Variants in BDH2 observed in about 807,000 individuals in gnomAD.
BDH2 encodes the protein 3-hydroxybutyrate dehydrogenase 2.
A neutral mutation model predicts 33.2 loss-of-function variants in BDH2; 24 were observed. The ratio of observed to expected loss-of-function variants is 0.72; its 90% CI spans 0.52 to 1.02. BDH2 has a LOEUF of 1.02. Among genes scored for constraint, BDH2 ranks in the 50% least tolerant of loss-of-function variants. BDH2 has a pLI of 0.00. For missense variants in BDH2, 249 were observed against 301.6 expected, an observed-to-expected ratio of 0.83 and a Z score of 1.29; for synonymous variants, 81 against 101.6, an observed-to-expected ratio of 0.80 and a Z score of 1.22.
At chr4:103,088,474 C>G (rs1012430063) in intron 5 of BDH2, among the ~76,000 whole-genome samples, 1 of 152,192 alleles carries the variant, frequency 6.6e-6, no homozygotes, top group South Asian at 2.1e-4. Flanking sequence ...AACCGAGGTC[C>G]CTCTGCTGCT....
intron 5 of BDH2, among the ~76,000 whole-genome samples, chr4:103,088,456 C>T (rs999311358): frequency 6.6e-6 from 1 of 152,184 alleles, no homozygotes; most frequent in Non-Finnish European, 1.5e-5. Context: ...ATCCATTCAA[C>T]CAAGTTCAAC....
chr4:103,080,720 C>T (rs746740814), intron 9 of BDH2, among the ~76,000 whole-genome samples: 1 of 152,210 alleles, frequency 6.6e-6, no homozygotes, highest in Non-Finnish European at 1.5e-5. Flanking sequence ...ACTTTTGTAG[C>T]ACATTTCAAG....
At position 103,078,543 on chromosome 4, in the gene BDH2, C is replaced by T. The variant is rs192568126; in HGVS notation, c.*1159G>A. ...ATAGTAAATAATAAGGGATGGCATC[C>T]GTTAAGTATAAACACTGGATTATTT... On this transcript the variant is annotated 3_prime_UTR_variant, in exon 10 of 10. Coordinates refer to ENST00000296424, the MANE Select transcript of BDH2 (RefSeq NM_020139.4). 1.7e-3 allele frequency among the ~76,000 whole-genome samples: 255 copies of T among 152,176 alleles called. No individual in the cohort carries two copies. The highest frequency in any genetic ancestry group is 6.0e-3 in the African/African-American group (248 of 41,508).
chr4:103,093,646 ATATAATATATAGTAATATAATT>A (rs1748218534), intron 3 of BDH2, among the ~76,000 whole-genome samples: 1 of 147,248 alleles, frequency 6.8e-6, no homozygotes, highest in Non-Finnish European at 1.5e-5. Flanking sequence ...TGAATAATAC[ATATAATATATAGTAATATAATT>A]TATAATATAT....
At chr4:103,086,815 G>A (rs1335540721) in intron 5 of BDH2, among the ~76,000 whole-genome samples, 1 of 152,206 alleles carries the variant, frequency 6.6e-6, no homozygotes, top group East Asian at 1.9e-4. Flanking sequence ...AAGACTACGA[G>A]TGAATGCTGA....
rs1747312498 is a variant in BDH2 at position 103,077,889 on chromosome 4, G to A, written c.*1813C>T. Among the ~76,000 whole-genome samples the A allele has an allele frequency of 6.6e-6, 1 of 152,112 alleles. No individual in the cohort carries two copies. Among genetic ancestry groups the A allele is most frequent in the African/African-American group, 2.4e-5 (1 of 41,408 alleles). ...CACAAACCAAAGTTAGCCATAATTC[G>A]GTAGTGTAGTGCCCGGTCCAAAACC... On this transcript the variant is annotated 3_prime_UTR_variant, in exon 10 of 10. Transcript: ENST00000296424.
rs778056751 is a variant in BDH2, at chr4:103,082,174, C to T, written c.592-1G>A. 2 of 1,613,372 alleles carry T rather than the reference C, an allele frequency of 1.2e-6. No individual in the cohort carries two copies. The highest frequency in any genetic ancestry group is 3.3e-5 in the Admixed American group (2 of 60,026). ...GTCTCTTCAGGAAATCATTCCGTGC[C>T]TGTGACCAGAGACCATACCAGACAT... On this transcript the variant is annotated splice_acceptor_variant, in intron 8 of 9. Transcript: ENST00000296424. LOFTEE classifies it high-confidence loss of function.
intron 1 of BDH2, chr4:103,099,269 C>T (rs1748542080): frequency 6.6e-6 from 1 of 152,184 alleles, no homozygotes; most frequent in Non-Finnish European, 1.5e-5. Flanking sequence ...TTTCTATGCA[C>T]TCTGAAAACC....
At chr4:103,086,651 T>G in intron 5 of BDH2, 111 bp from the exon 6 acceptor site, 2 of 1,335,880 alleles carry the variant, frequency 1.5e-6, no homozygotes, top group South Asian at 1.4e-5. Flanking sequence ...ATTTAATTAC[T>G]GTATTAGCTA....
chr4:103,090,044 A>G (rs1578505948), intron 5 of BDH2, among the ~76,000 whole-genome samples: 1 of 152,326 alleles, frequency 6.6e-6, no homozygotes, highest in East Asian at 1.9e-4. Flanking sequence ...CTGCTGTGCC[A>G]TTAACAAAGC....
chr4:103,087,944 A>G (rs886534214), intron 5 of BDH2, among the ~76,000 whole-genome samples: 2 of 152,192 alleles, frequency 1.3e-5, no homozygotes, highest in Admixed American at 6.5e-5. Context: ...GGTGTGGCCA[A>G]GATGATTGAT....
Position 103,086,469 on chromosome 4 carries a change from G to A in BDH2, c.418+11C>T. ...ATGAGCATCGCAGTCCTCGGAAGGA[G>A]ACAGACCCACCTTTGACGCTGGAAG... On this transcript the variant is annotated intron_variant, in intron 6 of 9. Transcript: ENST00000296424. 1 of 1,611,932 alleles carries A rather than the reference G, an allele frequency of 6.2e-7. No individual in the cohort carries two copies.
chr4:103,083,451 C>A (rs987384388), intron 7 of BDH2, among the ~76,000 whole-genome samples: 2 of 152,140 alleles, frequency 1.3e-5, no homozygotes, highest in South Asian at 2.1e-4. Flanking sequence ...TTTCTTATCA[C>A]CTTGCCTATT....
rs1175187795 is a variant in BDH2, at chr4:103,078,360, T to C, written c.*1342A>G. On this transcript the variant is annotated 3_prime_UTR_variant, in exon 10 of 10. Coordinates refer to ENST00000296424, the MANE Select transcript of BDH2 (RefSeq NM_020139.4). ...GAAACTATGTCCAAATTTTATGTCC[T>C]CTTTTCTGTTATCCTGGAGTTTGGT... Among the ~76,000 whole-genome samples, 1 of 152,234 alleles carries C rather than the reference T, an allele frequency of 6.6e-6. No homozygotes were observed. The highest frequency in any genetic ancestry group is 1.9e-4 in the East Asian group (1 of 5,202).
intron 5 of BDH2, among the ~76,000 whole-genome samples, chr4:103,088,332 T>C (rs1747899606): frequency 6.6e-6 from 1 of 152,202 alleles, no homozygotes; most frequent in South Asian, 2.1e-4. Flanking sequence ...GATGGGTTAT[T>C]ATGTAGGTTC....
rs140766378 is a variant in BDH2 at position 103,086,486 on chromosome 4, C to A, written c.412G>T (p.Val138Phe). ...CGGAAGGAGACAGACCCACCTTTGA[C>A]GCTGGAAGCCACAGAAGACATGTTG... ...IINMSSVASS[V>F]KGVVNRCVYS... The change falls in exon 6 of 10, where the codon GTC (valine) becomes TTC (phenylalanine). Residue 138 changes from valine to phenylalanine, a missense_variant. Transcript: ENST00000296424. The A allele has an allele frequency of 4.3e-6, 7 of 1,612,696 alleles. No individual in the cohort carries two copies. The South Asian group carries it at 7.7e-5, about 18-fold the overall frequency.
At chr4:103,092,406 C>A (rs1316186069) in intron 4 of BDH2, 194 bp downstream of exon 4, 1 of 583,168 alleles carries the variant, frequency 1.7e-6, no homozygotes. Context: ...TGCCCCAGAT[C>A]ATGTCAAACT....
At chr4:103,083,891 C>T (rs964386461) in intron 7 of BDH2, among the ~76,000 whole-genome samples, 2 of 152,124 alleles carry the variant, frequency 1.3e-5, no homozygotes, top group Admixed American at 1.3e-4. Flanking sequence ...ATTTTGGAAC[C>T]CCCTCTTTAG....
intron 4 of BDH2, 77 bp from the exon 5 acceptor site, chr4:103,091,362 T>C: frequency 1.1e-6 from 1 of 921,212 alleles, no homozygotes. Context: ...ATTTTTATTG[T>C]CACTTAGTGA....
Sources: gnomAD v4.1 joint callset for allele counts (sites outside exome capture counted in the v4.1 genomes callset) on GRCh38, gnomAD v4.1.1 for gene constraint, MANE v1.5 for transcripts, NCBI Gene and HGNC (gene_info 2026-07-23, HGNC 2026-07-21) for gene names.